HPSE2: variants seen among roughly 807,000 people sequenced by gnomAD.
HPSE2 encodes inactive heparanase-2.
HPSE2 carries 38 observed loss-of-function variants against 60.5 expected under a neutral mutation model. The observed-to-expected ratio is 0.63, with a 90% CI of 0.48 to 0.82. The LOEUF is 0.82. HPSE2 is among the 40% of genes least tolerant of loss of function. The pLI, the probability that HPSE2 is intolerant of heterozygous loss-of-function variation, is 0.00. For synonymous variants in HPSE2, 295 were observed against 293.2 expected (o/e 1.01, Z -0.06); for missense variants, 713 against 740.4 (o/e 0.96, Z 0.43).
chr10:99,142,873 T>C (rs767562170), intron 3 of HPSE2, among the ~76,000 whole-genome samples: 22 of 152,086 alleles, frequency 1.4e-4, no homozygotes, highest in Non-Finnish European at 2.9e-4. Flanking sequence ...TGACCCCTCT[T>C]ATAAGTGCCT....
rs141293694 is a variant in HPSE2 at position 98,559,606 on chromosome 10, C to T, written c.1320+55298G>A. Among the ~76,000 whole-genome samples, 148 of 152,288 alleles carry T rather than the reference C, an allele frequency of 9.7e-4. 2 individuals are homozygous for T. Among genetic ancestry groups the T allele is most frequent in the African/African-American group, 3.2e-3 (135 of 41,544 alleles). On this transcript the variant is annotated intron_variant, in intron 9 of 11. Coordinates refer to ENST00000370552, the MANE Select transcript of HPSE2 (RefSeq NM_021828.5). ...TTCATTAATCCATCCGCTCACTCACCGACCGACAAACATTTATTGACTACT... is the reference window on the plus strand; with the variant it reads ...TTCATTAATCCATCCGCTCACTCACTGACCGACAAACATTTATTGACTACT...
At chr10:98,836,426 AT>A (rs1267354181) in intron 3 of HPSE2, among the ~76,000 whole-genome samples, 5 of 152,242 alleles carry the variant, frequency 3.3e-5, no homozygotes, top group Non-Finnish European at 5.9e-5. Context: ...TATTGTCTTT[AT>A]CCATTTACAT....
At chr10:98,831,960 C>T (rs959151431) in intron 3 of HPSE2, among the ~76,000 whole-genome samples, 2 of 152,234 alleles carry the variant, frequency 1.3e-5, no homozygotes, top group African/African-American at 2.4e-5. Flanking sequence ...GGATAATGAC[C>T]GCTGATAGGT....
At chr10:99,315,206 A>T in the HPSE2 span, among the ~76,000 whole-genome samples, 1 of 152,262 alleles carries the variant, frequency 6.6e-6, no homozygotes, top group Non-Finnish European at 1.5e-5. Flanking sequence ...AGCCGTGAGC[A>T]AAAATATTTC....
At chr10:98,952,920 T>C (rs1461831674) in intron 3 of HPSE2, among the ~76,000 whole-genome samples, 1 of 152,084 alleles carries the variant, frequency 6.6e-6, no homozygotes, top group African/African-American at 2.4e-5. Flanking sequence ...ATAGTCCACA[T>C]TGGGAGTTAG....
chr10:98,678,265 C>A (rs932960806), intron 6 of HPSE2, among the ~76,000 whole-genome samples: 1 of 152,178 alleles, frequency 6.6e-6, no homozygotes, highest in African/African-American at 2.4e-5. Flanking sequence ...TTTCCCCCAT[C>A]CACATGTCAG....
intron 3 of HPSE2, among the ~76,000 whole-genome samples, chr10:99,058,673 T>C (rs1324106490): frequency 1.3e-5 from 2 of 152,192 alleles, no homozygotes; most frequent in African/African-American, 2.4e-5. Flanking sequence ...AAAGAAAATA[T>C]GATTTTAAAA....
intron 3 of HPSE2, among the ~76,000 whole-genome samples, chr10:98,790,503 G>A (rs12256698): frequency 0.021 from 3,145 of 152,248 alleles, 113 homozygotes; most frequent in African/African-American, 0.071. Flanking sequence ...GGAGGGATGA[G>A]GAAAGGGAAT....
At chr10:98,506,604 G>A (rs981769629) in intron 9 of HPSE2, among the ~76,000 whole-genome samples, 3 of 152,078 alleles carry the variant, frequency 2.0e-5, no homozygotes, top group Non-Finnish European at 2.9e-5. Flanking sequence ...ATACAGGTGT[G>A]CACCACTATA....
chr10:99,036,724 G>C (rs1280243486), intron 3 of HPSE2, among the ~76,000 whole-genome samples: 1 of 152,088 alleles, frequency 6.6e-6, no homozygotes, highest in African/African-American at 2.4e-5. Flanking sequence ...AGTTTAAAGA[G>C]GTCATGGATA....
chr10:98,918,835 T>C (rs565849653), intron 3 of HPSE2, among the ~76,000 whole-genome samples: 51 of 151,198 alleles, frequency 3.4e-4, no homozygotes, highest in African/African-American at 1.2e-3. Context: ...ATAATAATAA[T>C]AAAAATAAAA....
chr10:99,185,789 G>GAAAAAC (rs1250960664), intron 2 of HPSE2, among the ~76,000 whole-genome samples: 6 of 151,482 alleles, frequency 4.0e-5, no homozygotes, highest in African/African-American at 9.7e-5. Flanking sequence ...AAAAGAAAAA[G>GAAAAAC]AAAAAGAAAA....
chr10:99,072,192 G>T (rs1431108324), intron 3 of HPSE2, among the ~76,000 whole-genome samples: 1 of 152,134 alleles, frequency 6.6e-6, no homozygotes, highest in East Asian at 1.9e-4. Flanking sequence ...TTAATAACAT[G>T]AAGTCTTCCA....
At chr10:98,640,094 G>C (rs533038677) in intron 7 of HPSE2, among the ~76,000 whole-genome samples, 2 of 152,286 alleles carry the variant, frequency 1.3e-5, no homozygotes, top group African/African-American at 4.8e-5. Context: ...TAGAAAGCTA[G>C]AGTATTCAAT....
chr10:98,809,604 T>G (rs1367252604), intron 3 of HPSE2, among the ~76,000 whole-genome samples: 1 of 152,084 alleles, frequency 6.6e-6, no homozygotes, highest in Non-Finnish European at 1.5e-5. Flanking sequence ...CCCTGGTAAT[T>G]AAGAATTACA....
intron 2 of HPSE2, among the ~76,000 whole-genome samples, chr10:99,205,632 A>G (rs933598950): frequency 6.6e-6 from 1 of 152,206 alleles, no homozygotes; most frequent in African/African-American, 2.4e-5. Context: ...ACACACATAA[A>G]AATATACATA....
intron 3 of HPSE2, among the ~76,000 whole-genome samples, chr10:99,029,724 A>G (rs1430928917): frequency 6.6e-6 from 1 of 152,216 alleles, no homozygotes; most frequent in Non-Finnish European, 1.5e-5. Context: ...AGGATGGAAC[A>G]TGAAGGCGGA....
intron 3 of HPSE2, among the ~76,000 whole-genome samples, chr10:98,768,676 G>A (rs1283695829): frequency 6.6e-6 from 1 of 151,918 alleles, no homozygotes; most frequent in Non-Finnish European, 1.5e-5. Flanking sequence ...CTAATCACTG[G>A]CCCCAAATTT....
chr10:98,753,262 G>A (rs1229890729), intron 3 of HPSE2, among the ~76,000 whole-genome samples: 2 of 152,168 alleles, frequency 1.3e-5, no homozygotes, highest in East Asian at 3.8e-4. Flanking sequence ...ACAAGTGCTG[G>A]CGTGGGTAAG....
Sources: gnomAD v4.1 joint callset for allele counts (sites outside exome capture counted in the v4.1 genomes callset) on GRCh38, gnomAD v4.1.1 for gene constraint, MANE v1.5 for transcripts, NCBI Gene and HGNC (gene_info 2026-07-23, HGNC 2026-07-21) for gene names.